SCML2: variants seen among roughly 807,000 people sequenced by gnomAD.
The protein encoded by SCML2 is Scm polycomb group protein like 2, also known as sex comb on midleg-like protein 2.
Under a neutral mutation model 48.4 loss-of-function variants are expected in SCML2, and 6 were observed. The ratio of observed to expected loss-of-function variants is 0.12; its 90% CI spans 0.07 to 0.24. The LOEUF (loss-of-function observed/expected upper bound fraction) is 0.24. SCML2 is among the 10% of genes least tolerant of loss of function. The pLI is 1.00. For synonymous variants in SCML2, 181 were observed against 189.5 expected (o/e 0.95, Z 0.37); for missense variants, 377 against 528.2 (o/e 0.71, Z 2.81).
intron 1 of SCML2, among the ~76,000 whole-genome samples, chrX:18,347,723 C>CAAAAAAAAAAAA: frequency 4.6e-5 from 1 of 21,922 alleles, no homozygotes; most frequent in Non-Finnish European, 9.2e-5. Context: ...GACTCCGTCT[C>CAAAAAAAAAAAA]AAAAAAAAAA....
chrX:18,336,354 A>T (rs1169302351), intron 1 of SCML2, among the ~76,000 whole-genome samples: 1 of 106,823 alleles, frequency 9.4e-6, no homozygotes, highest in African/African-American at 3.4e-5. Context: ...CAGGAGGAGC[A>T]CTTGAACCCA....
At chrX:18,327,462 A>G (rs1232769519) in intron 3 of SCML2, among the ~76,000 whole-genome samples, 1 of 112,197 alleles carries the variant, frequency 8.9e-6, no homozygotes, top group Non-Finnish European at 1.9e-5. Context: ...AAAATAGTGT[A>G]AGTCAGAAAT....
intron 6 of SCML2, among the ~76,000 whole-genome samples, chrX:18,308,283 C>CAGGA (rs1044385323): frequency 4.3e-5 from 3 of 69,638 alleles, no homozygotes; most frequent in African/African-American, 1.7e-4. Flanking sequence ...CAAAAAAAAA[C>CAGGA]AGGAAGGAAG....
chrX:18,319,188 C>T (rs1174276744), intron 6 of SCML2, among the ~76,000 whole-genome samples: 1 of 111,359 alleles, frequency 9.0e-6, no homozygotes, highest in African/African-American at 3.3e-5. Context: ...CCCAGGAGTT[C>T]AAGACCAGCC....
intron 7 of SCML2, among the ~76,000 whole-genome samples, chrX:18,296,759 A>T (rs1306485015): frequency 9.0e-6 from 1 of 111,659 alleles, no homozygotes; most frequent in Non-Finnish European, 1.9e-5. Flanking sequence ...TCAGTAATAA[A>T]AAGTCTCCCA....
intron 7 of SCML2, among the ~76,000 whole-genome samples, chrX:18,276,688 A>G (rs1310991462): frequency 8.9e-6 from 1 of 112,404 alleles, no homozygotes; most frequent in Admixed American, 9.4e-5. Context: ...TACAACATGT[A>G]TAAACCTTGA....
chrX:18,253,547 T>G (rs1926739062), intron 11 of SCML2, among the ~76,000 whole-genome samples: 1 of 111,539 alleles, frequency 9.0e-6, no homozygotes, highest in African/African-American at 3.3e-5. Flanking sequence ...TATAATCTAT[T>G]TAAAAAAGCA....
chrX:18,268,393 G>A (rs1337777140), intron 7 of SCML2, among the ~76,000 whole-genome samples: 2 of 110,976 alleles, frequency 1.8e-5, no homozygotes, highest in Non-Finnish European at 3.8e-5. Flanking sequence ...GCCAGGCATG[G>A]TGGTGCATGC....
Position 18,242,563 on chromosome X carries a change from G to T in SCML2, c.1850C>A (p.Pro617His). Reference sequence around the variant, plus strand: ...AGAGAAGCCTTGTTTCAGGACACTGGGATCAGGTACAGCTATATAACTTGG... The same window carrying T: ...AGAGAAGCCTTGTTTCAGGACACTGTGATCAGGTACAGCTATATAACTTGG... The part of the protein sequence containing the change: ...EAPSYIAVPD[P>H]SVLKQGFSKD... The change falls in exon 14 of 15, where the codon CCC becomes CAC. Residue 617 changes from proline (P) to histidine (H), a missense_variant. This residue lies in a region of SCML2 where 299 missense variants were observed against 425.5 expected (regional missense o/e 0.70). Coordinates refer to ENST00000251900, the MANE Select transcript of SCML2 (RefSeq NM_006089.3). 8.3e-7 allele frequency: 1 copy of T among 1,208,632 alleles called. No homozygotes were observed. Among genetic ancestry groups the T allele is most frequent in the African/African-American group, 1.7e-5 (1 of 57,524 alleles).
At chrX:18,355,071 G>A (rs1930498447), upstream of SCML2, among the ~76,000 whole-genome samples, 1 of 111,548 alleles carries the variant, frequency 9.0e-6, no homozygotes, top group Non-Finnish European at 1.9e-5. Context: ...CCAAAAAGCA[G>A]GCGCTTCCCT....
chrX:18,348,278 G>C (rs1015749890), intron 1 of SCML2, among the ~76,000 whole-genome samples: 6 of 111,714 alleles, frequency 5.4e-5, no homozygotes, highest in Admixed American at 9.6e-5. Flanking sequence ...AAAAGAACTG[G>C]ATCTGGTTAC....
At chrX:18,266,562 T>G (rs1927264353) in intron 7 of SCML2, among the ~76,000 whole-genome samples, 1 of 111,995 alleles carries the variant, frequency 8.9e-6, no homozygotes, top group African/African-American at 3.2e-5. Context: ...GATAATTTCA[T>G]TATTACAAAT....
Position 18,320,382 on chromosome X carries a change from A to G in SCML2, c.436T>C (p.Leu146=). 2 of 1,161,856 alleles carry G rather than the reference A, an allele frequency of 1.7e-6. No homozygotes were observed. The highest frequency in any genetic ancestry group is 2.3e-6 in the Non-Finnish European group (2 of 861,131). The change falls in exon 6 of 15, where the codon TTA becomes CTA. Residue 146 remains leucine, a synonymous_variant. Transcript: ENST00000251900. The stretch of plus-strand genomic sequence containing the variant: ...ATTTCAGACCCATTTAGTGTCTTTA[A>G]GAGGAACATCGGCCAGGAGGATGTA... ...MNTSSWPMFL[L]KTLNGSEMAS...
intron 7 of SCML2, among the ~76,000 whole-genome samples, chrX:18,299,447 G>A (rs760091568): frequency 1.8e-5 from 2 of 110,981 alleles, no homozygotes; most frequent in Admixed American, 1.9e-4. Context: ...GAACCTGGGA[G>A]GCAGAGGTTG....
At chrX:18,262,246 A>T (rs1395936656) in intron 8 of SCML2, among the ~76,000 whole-genome samples, 2 of 108,545 alleles carry the variant, frequency 1.8e-5, no homozygotes, top group Non-Finnish European at 3.8e-5. Context: ...TTTAAAAAAA[A>T]ATCCATGTTG....
rs770905698 is a variant in SCML2 at position 18,241,327 on chromosome X, T to C, written c.2027A>G (p.Tyr676Cys). ...TGCTGGCCCCAGCTTCAGCCCCATA[T>C]ACTTCATCATCACATCACTCTTGAG... ...FLLKSDVMMK[Y>C]MGLKLGPALK... Residue 676 changes from tyrosine to cysteine, a missense_variant, in exon 15 of 15, where the codon TAT (tyrosine) becomes TGT (cysteine). Coordinates refer to ENST00000251900, the MANE Select transcript of SCML2 (RefSeq NM_006089.3). 2.5e-6 allele frequency: 3 copies of C among 1,198,685 alleles called. No homozygotes were observed. Among genetic ancestry groups the C allele is most frequent in the Admixed American group, 4.4e-5 (2 of 45,117 alleles).
chrX:18,252,957 T>C (rs1444103518), intron 11 of SCML2, among the ~76,000 whole-genome samples: 1 of 111,999 alleles, frequency 8.9e-6, no homozygotes, highest in Admixed American at 9.5e-5. Flanking sequence ...CACAGTCTCA[T>C]GATGCTTAAG....
At chrX:18,276,151 C>T (rs975123716) in intron 7 of SCML2, among the ~76,000 whole-genome samples, 4 of 111,335 alleles carry the variant, frequency 3.6e-5, no homozygotes, top group African/African-American at 1.3e-4. Context: ...AAAAATCCGC[C>T]AGGCGTGGTG....
intron 9 of SCML2, among the ~76,000 whole-genome samples, 156 bp from the exon 10 acceptor site, chrX:18,258,403 A>C (rs1294463819): frequency 1.1e-5 from 1 of 93,128 alleles, no homozygotes; most frequent in Admixed American, 1.1e-4. Context: ...CTACCTAAAA[A>C]TATGTAAATA....
Sources: gnomAD v4.1 joint callset for allele counts (sites outside exome capture counted in the v4.1 genomes callset) on GRCh38, gnomAD v4.1.1 for gene constraint, gnomAD v4.1.1 regional missense constraint, MANE v1.5 for transcripts, NCBI Gene and HGNC (gene_info 2026-07-23, HGNC 2026-07-21) for gene names.